C1orf162: variants seen among roughly 807,000 people sequenced by gnomAD.
C1orf162 encodes the protein chromosome 1 open reading frame 162.
In C1orf162, 10 loss-of-function variants were observed where a neutral mutation model predicts 11.4. The observed-to-expected ratio is 0.88, with a 90% CI of 0.54 to 1.48. The LOEUF (loss-of-function observed/expected upper bound fraction) is 1.48, where lower values mean the gene tolerates loss of function less well. Among genes scored for constraint, C1orf162 ranks in the 40% most tolerant of loss-of-function variants. The pLI is 0.00. For synonymous variants in C1orf162, 53 were observed against 55.0 expected, an observed-to-expected ratio of 0.96 and a Z score of 0.16; for missense variants, 140 against 149.5, an observed-to-expected ratio of 0.94 and a Z score of 0.33.
chr1:111,476,173 C>T (rs2101770801), intron 2 of C1orf162, 108 bp downstream of exon 2: 1 of 1,092,236 alleles, frequency 9.2e-7, no homozygotes, highest in Non-Finnish European at 1.4e-6. Flanking sequence ...ATTTCTGAAA[C>T]TGGAAGAATC....
At chr1:111,474,978 C>T (rs577040756) in intron 1 of C1orf162, 1 of 152,046 alleles carries the variant, frequency 6.6e-6, no homozygotes, top group African/African-American at 2.4e-5. Flanking sequence ...AACATTTTCC[C>T]ATGAGTTTGC....
At chr1:111,477,913 G>A (rs550454603) in intron 5 of C1orf162, 70 bp from the exon 6 acceptor site, 2 of 1,604,978 alleles carry the variant, frequency 1.2e-6, no homozygotes, top group East Asian at 2.2e-5. Flanking sequence ...AAAGTGCTCA[G>A]GTTGCTTCTA....
Position 111,476,855 on chromosome 1 carries a change from C to G in C1orf162, c.95C>G (p.Ser32Cys). 6.2e-7 allele frequency: 1 copy of G among 1,613,896 alleles called. No individual in the cohort carries two copies. The highest frequency in any genetic ancestry group is 8.5e-7 in the Non-Finnish European group (1 of 1,179,770). Residue 32 changes from serine (S) to cysteine (C), a missense_variant, in exon 3 of 6, where the codon TCT (serine) becomes TGT (cysteine). Physicochemically the swap from Ser to Cys is moderately radical, Grantham distance 112. Transcript: ENST00000369718. ...ACAACTAGCCCTGCACCCTGTCTCT[C>G]TAACCACCACAAGTAAATGAGCATT... ...APTTSPAPCL[S>C]NHHNKKHLIL...
At chr1:111,474,726 G>C (rs1419362840) in intron 1 of C1orf162, 1 of 152,092 alleles carries the variant, frequency 6.6e-6, no homozygotes. Context: ...TTTCCCGTTG[G>C]CCCTTTTCTT....
chr1:111,474,721 C>T (rs1026118322), intron 1 of C1orf162: 2 of 152,102 alleles, frequency 1.3e-5, no homozygotes, highest in African/African-American at 2.4e-5. Context: ...CACATTTTCC[C>T]GTTGGCCCTT....
intron 4 of C1orf162, 96 bp downstream of exon 4, chr1:111,477,524 G>A: frequency 1.4e-6 from 2 of 1,475,628 alleles, no homozygotes; most frequent in Non-Finnish European, 1.9e-6. Flanking sequence ...AGGGGAGGGT[G>A]CAGTGTGATA....
At position 111,477,403 on chromosome 1, in the gene C1orf162, C is replaced by T; in HGVS notation, c.177C>T (p.Phe59=). The T allele has an allele frequency of 6.2e-7, 1 of 1,613,588 alleles. No homozygotes were observed. The highest frequency in any genetic ancestry group is 8.5e-7 in the Non-Finnish European group (1 of 1,179,532). The stretch of plus-strand genomic sequence containing the variant: ...CACTGCTGCTGATAGCCTTTATCTT[C>T]CTCATCATAAAGAGCTACAGAAAAT... The part of the protein sequence containing the change: ...LLTLLLIAFI[F]LIIKSYRKYH... Residue 59 remains phenylalanine, a synonymous_variant, in exon 4 of 6, where the codon TTC becomes TTT. Coordinates refer to ENST00000369718, the MANE Select transcript of C1orf162 (RefSeq NM_001300834.2).
In C1orf162 at chr1:111,477,995, C is replaced by T. The variant is rs998852188; in HGVS notation, c.265C>T (p.Pro89Ser). The T allele has an allele frequency of 1.2e-6, 2 of 1,614,130 alleles. No individual in the cohort carries two copies. The highest frequency in any genetic ancestry group is 1.7e-5 in the Admixed American group (1 of 60,026). ...SDPPAKLSSIPGESLTYASTT... is the reference protein window; with the variant it reads ...SDPPAKLSSISGESLTYASTT... ...TCTCCCTCTGCAGCTTTCATCCATC[C>T]CAGGGGAATCACTTACCTATGCCAG... The change falls in exon 6 of 6, where the codon CCA becomes TCA. Residue 89 changes from proline (P) to serine (S), a missense_variant. Pro to Ser is a moderately conservative substitution (Grantham distance 74). Coordinates refer to ENST00000369718, the MANE Select transcript of C1orf162 (RefSeq NM_001300834.2).
chr1:111,476,386 A>G (rs890767975), intron 2 of C1orf162, among the ~76,000 whole-genome samples: 22 of 152,156 alleles, frequency 1.4e-4, no homozygotes, highest in African/African-American at 4.8e-4. Context: ...CTGCTCTGCA[A>G]AAAGGGCAAA....
At chr1:111,475,475 A>G (rs1246396704) in intron 1 of C1orf162, 1 of 158,496 alleles carries the variant, frequency 6.3e-6, no homozygotes, top group Non-Finnish European at 1.4e-5. Flanking sequence ...TGAGGTCTAG[A>G]GTAAGGGTCT....
intron 2 of C1orf162, 72 bp from the exon 3 acceptor site, chr1:111,476,726 T>A: frequency 6.6e-7 from 1 of 1,508,728 alleles, no homozygotes; most frequent in Non-Finnish European, 9.2e-7. Context: ...ATGGGGCACC[T>A]GGGGAAACTT....
intron 1 of C1orf162, 74 bp from the exon 2 acceptor site, chr1:111,475,944 C>A: frequency 3.4e-6 from 4 of 1,179,138 alleles, no homozygotes; most frequent in African/African-American, 1.5e-5. Context: ...ATATGACAAT[C>A]ACAGTCTCAG....
In C1orf162 at chr1:111,478,483, A is replaced by G. The variant is rs144845775; in HGVS notation, c.*360A>G. ...AGTCAACCAAATGAACAATCTACCA[A>G]AAATTTCAAATAAAGTCAAACCCCC... On this transcript the variant is annotated 3_prime_UTR_variant, in exon 6 of 6. Transcript: ENST00000369718. 1.5e-3 allele frequency: 330 copies of G among 213,742 alleles called. 2 individuals are homozygous for G. The highest frequency in any genetic ancestry group is 7.1e-3 in the African/African-American group (311 of 43,936). 13.2% of individuals were successfully genotyped at this position (213,742 alleles called of 1,614,324 possible).
Position 111,478,086 on chromosome 1 carries a change from A to G in C1orf162, c.356A>G (p.Asp119Gly), listed in dbSNP as rs1363878984. The G allele has an allele frequency of 3.7e-6, 6 of 1,614,102 alleles. No individual in the cohort carries two copies. The highest frequency in any genetic ancestry group is 5.1e-6 in the Non-Finnish European group (6 of 1,180,008). ...GCTGAGAACCATTCTGCAGACTTTG[A>G]CCCCATTGTCTATGCTCAAATTAAA... ...HLAENHSADF[D>G]PIVYAQIKVT... Residue 119 changes from aspartate (D) to glycine (G), a missense_variant, in exon 6 of 6, where the codon GAC (aspartate) becomes GGC (glycine). Physicochemically the swap from Asp to Gly is moderately conservative, Grantham distance 94 (BLOSUM62 -1). Transcript: ENST00000369718.
chr1:111,476,917 A>G (rs1654010458), intron 3 of C1orf162, 50 bp downstream of exon 3: 2 of 1,587,254 alleles, frequency 1.3e-6, no homozygotes, highest in South Asian at 2.2e-5. Flanking sequence ...GTGGGATTTG[A>G]TGTTGTGCTG....
At chr1:111,476,717 T>C in intron 2 of C1orf162, 81 bp from the exon 3 acceptor site, 1 of 1,409,292 alleles carries the variant, frequency 7.1e-7, no homozygotes, top group Non-Finnish European at 1.0e-6. Context: ...TTGGGTAGAA[T>C]GGGGCACCTG....
intron 1 of C1orf162, chr1:111,475,162 G>T (rs1357184542): frequency 1.4e-5 from 2 of 140,668 alleles, no homozygotes; most frequent in Non-Finnish European, 3.1e-5. Flanking sequence ...ATAATGGAAA[G>T]ACCTATCACC....
chr1:111,476,184 C>A, intron 2 of C1orf162, 119 bp downstream of exon 2: 1 of 984,958 alleles, frequency 1.0e-6, no homozygotes, highest in Non-Finnish European at 1.6e-6. Flanking sequence ...TGGAAGAATC[C>A]AATTTTACCA....
chr1:111,476,761 T>G, intron 2 of C1orf162, 37 bp from the exon 3 acceptor site: 1 of 1,603,294 alleles, frequency 6.2e-7, no homozygotes, highest in Non-Finnish European at 8.5e-7. Flanking sequence ...TCATGAAAAG[T>G]GACAGATACA....
Sources: allele counts gnomAD v4.1 joint callset (sites outside exome capture counted in the v4.1 genomes callset), GRCh38; gene constraint gnomAD v4.1.1; transcripts MANE v1.5; gene names NCBI Gene and HGNC (gene_info 2026-07-23, HGNC 2026-07-21).